Variants in GAD2 observed in about 807,000 individuals in gnomAD.
GAD2 encodes glutamate decarboxylase 2.
Under a neutral mutation model 80.1 loss-of-function variants are expected in GAD2, and 22 were observed. The observed-to-expected ratio is 0.27, with a 90% CI of 0.20 to 0.39. GAD2 has a LOEUF of 0.39. Ranked by LOEUF, GAD2 falls within the 10% of genes least tolerant of loss-of-function variation. GAD2 has a pLI of 1.00. For synonymous variants in GAD2, 274 were observed against 256.9 expected (o/e 1.07, Z -0.64); for missense variants, 624 against 738.4 (o/e 0.85, Z 1.80).
intron 7 of GAD2, among the ~76,000 whole-genome samples, chr10:26,230,048 C>CACAA (rs8190632): frequency 0.11 from 16,263 of 152,030 alleles, 1,058 homozygotes; most frequent in African/African-American, 0.17. Flanking sequence ...GATGTGGTAG[C>CACAA]ACCTATGATC....
intron 10 of GAD2, among the ~76,000 whole-genome samples, chr10:26,272,163 T>TA (rs1184629599): frequency 1.3e-5 from 2 of 152,202 alleles, no homozygotes; most frequent in African/African-American, 2.4e-5. Context: ...CAATGTTCTT[T>TA]ATCCTCCCTG....
chr10:26,243,252 C>T (rs1051858190), intron 7 of GAD2, among the ~76,000 whole-genome samples: 1 of 152,280 alleles, frequency 6.6e-6, no homozygotes, highest in Non-Finnish European at 1.5e-5. Context: ...GATTGGTCAT[C>T]ATTATTTGCT....
At position 26,292,485 on chromosome 10, in the gene GAD2, G is replaced by T; in HGVS notation, c.1407G>T (p.Ala469=). 5 of 1,613,896 alleles carry T rather than the reference G, an allele frequency of 3.1e-6. No individual in the cohort carries two copies. Among genetic ancestry groups the T allele is most frequent in the African/African-American group, 1.3e-5 (1 of 75,020 alleles). ...CCTAGGGGACTACCGGGTTTGAAGC[G>T]CATGTTGATAAATGTTTGGAGTTGG... ...WRAKGTTGFE[A]HVDKCLELAE... Residue 469 remains alanine (A), a synonymous_variant, in exon 14 of 16, where the codon GCG becomes GCT. Coordinates refer to ENST00000376261, the MANE Select transcript of GAD2 (RefSeq NM_001134366.2).
At chr10:26,232,940 A>G (rs78367607) in intron 7 of GAD2, among the ~76,000 whole-genome samples, 3 of 152,348 alleles carry the variant, frequency 2.0e-5, no homozygotes, top group African/African-American at 4.8e-5. Context: ...TAAAATACCA[A>G]TAGGCTCTAA....
Position 26,229,816 on chromosome 10 carries a change from C to T in GAD2, c.840+39C>T, listed in dbSNP as rs1844576786. ...TTCCTTGCAAGTTTAAGGTTATGTT[C>T]CATAAAGCCCGAGTTTAAGGAGTGA... is the stretch of plus-strand genomic sequence containing the variant. On this transcript the variant is annotated intron_variant, in intron 7 of 15. Transcript: ENST00000376261. 3 of 1,458,974 alleles carry T rather than the reference C, an allele frequency of 2.1e-6. No homozygotes were observed. In the South Asian group the frequency reaches 3.5e-5, roughly 17 times the overall value. 90.4% of individuals were successfully genotyped at this position (1,458,974 alleles called of 1,614,324 possible). A position where few individuals can be genotyped will look rare whatever the true frequency, so the allele number is the denominator to read the frequency against.
chr10:26,279,776 A>G (rs4144102), intron 11 of GAD2, among the ~76,000 whole-genome samples: 38,693 of 152,142 alleles, frequency 0.25, 5,814 homozygotes, highest in African/African-American at 0.42. Context: ...TCCCCAAGGC[A>G]TGAGGCAAAA....
intron 8 of GAD2, among the ~76,000 whole-genome samples, chr10:26,250,877 C>CTTTT (rs1181428173): frequency 1.5e-4 from 17 of 112,948 alleles, no homozygotes; most frequent in African/African-American, 2.2e-4. Context: ...GTTTTTTTTC[C>CTTTT]TTTTTTTTTT....
intron 8 of GAD2, among the ~76,000 whole-genome samples, chr10:26,258,485 C>T (rs1463853689): frequency 6.6e-6 from 1 of 152,158 alleles, no homozygotes; most frequent in African/African-American, 2.4e-5. Flanking sequence ...ATCTCCAGAA[C>T]TCTTCTCACA....
chr10:26,300,854 G>C lies in GAD2; in HGVS notation c.1651G>C (p.Gly551Arg). Reference sequence around the variant, plus strand: ...CACAATGGTCAGCTACCAACCCTTGGGAGACAAGGTCAATTTCTTCCGCAT... The same window carrying C: ...CACAATGGTCAGCTACCAACCCTTGCGAGACAAGGTCAATTTCTTCCGCAT... ...GTTMVSYQPL[G>R]DKVNFFRMVI... Residue 551 changes from glycine (G) to arginine (R), a missense_variant, in exon 16 of 16, where the codon GGA becomes CGA. By Grantham distance (125) the Gly-to-Arg change is moderately radical. Transcript: ENST00000376261. 6.2e-7 allele frequency: 1 copy of C among 1,613,796 alleles called. No individual in the cohort carries two copies. The highest frequency in any genetic ancestry group is 8.5e-7 in the Non-Finnish European group (1 of 1,179,834).
At chr10:26,267,377 C>G (rs2132302823) in intron 8 of GAD2, among the ~76,000 whole-genome samples, 1 of 152,330 alleles carries the variant, frequency 6.6e-6, no homozygotes, top group South Asian at 2.1e-4. Flanking sequence ...GGTGCTTTAG[C>G]ACAGCCTGAT....
chr10:26,223,665 G>A (rs190959577), intron 4 of GAD2, among the ~76,000 whole-genome samples: 1 of 151,142 alleles, frequency 6.6e-6, no homozygotes, highest in East Asian at 1.9e-4. Context: ...TAGTCTTCGT[G>A]GTTAGAGGAA....
intron 12 of GAD2, among the ~76,000 whole-genome samples, chr10:26,281,682 ATGAAACCATCT>A (rs921187649): frequency 1.3e-5 from 2 of 152,206 alleles, no homozygotes; most frequent in Non-Finnish European, 2.9e-5. Flanking sequence ...ACTTTCATGA[ATGAAACCATCT>A]TGAAACCATC....
chr10:26,251,738 G>A (rs1023934073), intron 8 of GAD2, among the ~76,000 whole-genome samples: 4 of 152,154 alleles, frequency 2.6e-5, no homozygotes, highest in African/African-American at 7.2e-5. Context: ...TCATCAATTT[G>A]TTCTCCTAGC....
chr10:26,220,693 A>T (rs1441063244), intron 4 of GAD2, among the ~76,000 whole-genome samples: 1 of 152,172 alleles, frequency 6.6e-6, no homozygotes, highest in Non-Finnish European at 1.5e-5. Context: ...CCCATACCTT[A>T]TATTTAGATA....
intron 8 of GAD2, among the ~76,000 whole-genome samples, chr10:26,260,149 C>T (rs927576962): frequency 4.6e-5 from 7 of 152,112 alleles, no homozygotes; most frequent in African/African-American, 1.4e-4. Context: ...TTATGGACGA[C>T]TTGCATGCCT....
At chr10:26,287,483 A>C (rs1475728075) in intron 13 of GAD2, among the ~76,000 whole-genome samples, 1 of 152,236 alleles carries the variant, frequency 6.6e-6, no homozygotes, top group African/African-American at 2.4e-5. Context: ...GGAAGGCAAA[A>C]GTTTTTAAAG....
chr10:26,222,574 G>A (rs1336809375), intron 4 of GAD2, among the ~76,000 whole-genome samples: 2 of 152,108 alleles, frequency 1.3e-5, no homozygotes, highest in Non-Finnish European at 2.9e-5. Context: ...TCGTGGATGG[G>A]TAAACTGAGG....
chr10:26,303,764 G>A lies in GAD2; in HGVS notation c.*2803G>A, dbSNP rs1834353604. On this transcript the variant is annotated 3_prime_UTR_variant, in exon 16 of 16. Coordinates refer to ENST00000376261, the MANE Select transcript of GAD2 (RefSeq NM_001134366.2). ...TGCCACAGGATGTGAGGAAAGAAAA[G>A]GAAATCAATTCTGACTGTGTTGCCT... is the stretch of plus-strand genomic sequence containing the variant. 6.6e-6 allele frequency: 1 copy of A among 152,206 alleles called. No individual in the cohort carries two copies. Among genetic ancestry groups the A allele is most frequent in the Admixed American group, 6.5e-5 (1 of 15,274 alleles). 9.4% of individuals were successfully genotyped at this position (152,206 alleles called of 1,614,324 possible). A position where few individuals can be genotyped will look rare whatever the true frequency, so the allele number is the denominator to read the frequency against.
intron 9 of GAD2, among the ~76,000 whole-genome samples, chr10:26,269,518 A>G (rs1342630612): frequency 1.3e-5 from 2 of 152,186 alleles, no homozygotes; most frequent in Admixed American, 1.3e-4. Context: ...TATGTGAGAG[A>G]CCCTGGTGCA....
Sources: gnomAD v4.1 joint callset for allele counts (sites outside exome capture counted in the v4.1 genomes callset) on GRCh38, gnomAD v4.1.1 for gene constraint, MANE v1.5 for transcripts, NCBI Gene and HGNC (gene_info 2026-07-23, HGNC 2026-07-21) for gene names.